The following C4orf36 variants were observed in gnomAD, a reference collection of about 807,000 sequenced individuals.
The protein encoded by C4orf36 is uncharacterized protein C4orf36.
C4orf36 carries 11 observed loss-of-function variants against 12.2 expected under a neutral mutation model. The observed-to-expected ratio is 0.90, with a 90% CI of 0.57 to 1.49. The LOEUF is 1.49. Among genes scored for constraint, C4orf36 ranks in the 40% most tolerant of loss-of-function variants. The pLI is 0.00. For synonymous variants in C4orf36, 54 were observed against 51.3 expected (o/e 1.05, Z -0.22); for missense variants, 137 against 133.9 (o/e 1.02, Z -0.11).
chr4:86,905,379 G>C, the C4orf36 span, among the ~76,000 whole-genome samples: 4 of 150,902 alleles, frequency 2.7e-5, no homozygotes, highest in African/African-American at 9.7e-5. Flanking sequence ...ACTCCATCTC[G>C]AAATAAATAA....
At chr4:86,918,833 G>A in the C4orf36 span, among the ~76,000 whole-genome samples, 1 of 127,786 alleles carries the variant, frequency 7.8e-6, no homozygotes, top group African/African-American at 2.8e-5. Flanking sequence ...GTGTGTGTGT[G>A]TGCACGTGAT....
chr4:86,932,347 C>CAAAAAA, the C4orf36 span: 1 of 118,694 alleles, frequency 8.4e-6, no homozygotes, highest in African/African-American at 3.2e-5. Flanking sequence ...AACTTCATAT[C>CAAAAAA]AAAAAAAAAA....
At chr4:86,920,225 C>T in the C4orf36 span, among the ~76,000 whole-genome samples, 876 of 152,286 alleles carry the variant, frequency 5.8e-3, 13 homozygotes, top group African/African-American at 0.02. Context: ...TTGGCCTCTA[C>T]TGTCTATATT....
chr4:86,913,600 T>C, the C4orf36 span: 58 of 1,381,392 alleles, frequency 4.2e-5, no homozygotes, highest in East Asian at 6.9e-5. Context: ...CTGAGACAAA[T>C]GAAACACTTA....
chr4:86,913,559 C>T, the C4orf36 span: 2 of 1,063,292 alleles, frequency 1.9e-6, no homozygotes, highest in Non-Finnish European at 2.9e-6. Flanking sequence ...CGTTGGGCAG[C>T]AGTCATGGCC....
chr4:86,895,163 A>T (rs1160930111), upstream of C4orf36, among the ~76,000 whole-genome samples: 1 of 152,064 alleles, frequency 6.6e-6, no homozygotes, highest in Non-Finnish European at 1.5e-5. Flanking sequence ...AGTAGAAAAA[A>T]AACTTAGCTG....
At chr4:86,904,725 C>G in the C4orf36 span, among the ~76,000 whole-genome samples, 1 of 151,852 alleles carries the variant, frequency 6.6e-6, no homozygotes, top group Non-Finnish European at 1.5e-5. Flanking sequence ...AAGGCCGCAT[C>G]TCTAAATAAT....
chr4:86,921,034 A>G, the C4orf36 span, among the ~76,000 whole-genome samples: 1 of 151,958 alleles, frequency 6.6e-6, no homozygotes, highest in East Asian at 1.9e-4. Context: ...GCATGGTGGC[A>G]CATGCCTGTA....
At chr4:86,901,390 TTTTA>T in the C4orf36 span, among the ~76,000 whole-genome samples, 23,763 of 151,802 alleles carry the variant, frequency 0.16, 2,169 homozygotes, top group Middle Eastern at 0.21. Flanking sequence ...CACACACAGC[TTTTA>T]TTTATTTTTA....
chr4:86,933,095 CTATT>C, the C4orf36 span: 1 of 152,018 alleles, frequency 6.6e-6, no homozygotes, highest in African/African-American at 2.4e-5. Flanking sequence ...TTCTTATTGA[CTATT>C]TATATAAGAT....
chr4:86,882,827 T>C (rs192799136), intron 4 of C4orf36, among the ~76,000 whole-genome samples: 1 of 152,290 alleles, frequency 6.6e-6, no homozygotes, highest in Admixed American at 6.5e-5. Context: ...TATGTATAGC[T>C]TTCCCCCCAA....
chr4:86,888,004 T>C, intron 3 of C4orf36, 111 bp from the exon 4 acceptor site: 1 of 1,545,148 alleles, frequency 6.5e-7, no homozygotes, highest in Non-Finnish European at 8.8e-7. Context: ...ATAAACAAGA[T>C]GACAGAGCTA....
chr4:86,878,001 G>A (rs972544755), intron 4 of C4orf36, among the ~76,000 whole-genome samples: 9 of 152,142 alleles, frequency 5.9e-5, no homozygotes, highest in African/African-American at 1.9e-4. Flanking sequence ...CTGGAGCAAG[G>A]TGATAGAGAC....
chr4:86,908,585 A>G, the C4orf36 span, among the ~76,000 whole-genome samples: 1 of 151,734 alleles, frequency 6.6e-6, no homozygotes, highest in African/African-American at 2.4e-5. Flanking sequence ...CTTCAATAAG[A>G]GAAGTACACT....
the C4orf36 span, chr4:86,924,908 G>C: frequency 6.6e-6 from 1 of 152,228 alleles, no homozygotes; most frequent in African/African-American, 2.4e-5. Flanking sequence ...CATGGTGCTG[G>C]CATCGGCTTA....
intron 2 of C4orf36, among the ~76,000 whole-genome samples, chr4:86,889,484 T>C (rs1412291039): frequency 6.6e-6 from 1 of 152,200 alleles, no homozygotes; most frequent in Non-Finnish European, 1.5e-5. Context: ...AAAACAGTTA[T>C]TGTTTACATA....
At chr4:86,898,929 C>A in the C4orf36 span, among the ~76,000 whole-genome samples, 1 of 152,006 alleles carries the variant, frequency 6.6e-6, no homozygotes, top group Non-Finnish European at 1.5e-5. Context: ...TCACGAAATT[C>A]AAGAAATCTG....
At chr4:86,897,938 A>G in the C4orf36 span, among the ~76,000 whole-genome samples, 4 of 152,228 alleles carry the variant, frequency 2.6e-5, no homozygotes, top group Non-Finnish European at 5.9e-5. Context: ...CATTAGTTCT[A>G]AGTATAGGAA....
chr4:86,891,841 C>T (rs1273112753), intron 1 of C4orf36, among the ~76,000 whole-genome samples: 2 of 152,166 alleles, frequency 1.3e-5, no homozygotes, highest in Non-Finnish European at 2.9e-5. Flanking sequence ...GCACTCTCTG[C>T]CCTTGCCTGA....
Sources: allele counts gnomAD v4.1 joint callset (sites outside exome capture counted in the v4.1 genomes callset), GRCh38; gene constraint gnomAD v4.1.1; transcripts MANE v1.5; gene names NCBI Gene and HGNC (gene_info 2026-07-23, HGNC 2026-07-21).